PRKCE: variants seen among roughly 807,000 people sequenced by gnomAD.
The protein encoded by PRKCE is protein kinase C epsilon, also known as protein kinase C epsilon type.
In PRKCE, 16 loss-of-function variants were observed where a neutral mutation model predicts 85.4. The observed-to-expected ratio is 0.19, with a 90% confidence interval of 0.13 to 0.28. The LOEUF is 0.28. PRKCE is among the 10% of genes least tolerant of loss of function. The pLI is 1.00. For missense variants in PRKCE, 573 were observed against 975.2 expected, an observed-to-expected ratio of 0.59 and a Z score of 5.49; for synonymous variants, 388 against 371.5, an observed-to-expected ratio of 1.04 and a Z score of -0.51.
chr2:45,984,347 A>C (rs1245315250), intron 5 of PRKCE, among the ~76,000 whole-genome samples: 2 of 152,206 alleles, frequency 1.3e-5, no homozygotes, highest in East Asian at 3.8e-4. Flanking sequence ...GGAGTAGCCA[A>C]CAGTGAGTTA....
chr2:45,695,728 G>A (rs890896939), intron 1 of PRKCE, among the ~76,000 whole-genome samples: 6 of 152,120 alleles, frequency 3.9e-5, no homozygotes, highest in African/African-American at 1.4e-4. Context: ...CTGAGATCAC[G>A]CCACTGAACT....
chr2:46,118,042 A>C (rs1369678668), intron 11 of PRKCE, among the ~76,000 whole-genome samples: 2 of 152,224 alleles, frequency 1.3e-5, no homozygotes, highest in African/African-American at 4.8e-5. Flanking sequence ...CATGATGCTG[A>C]ATTACATAAA....
chr2:45,869,681 T>C (rs925094627), intron 2 of PRKCE, among the ~76,000 whole-genome samples: 4 of 150,780 alleles, frequency 2.7e-5, no homozygotes, highest in African/African-American at 9.7e-5. Context: ...TTTTTCTTTT[T>C]GTTTTTGTTT....
chr2:46,034,189 T>TA (rs1707713306), intron 10 of PRKCE, among the ~76,000 whole-genome samples: 1 of 152,326 alleles, frequency 6.6e-6, no homozygotes, highest in East Asian at 1.9e-4. Flanking sequence ...CCTGAGTACT[T>TA]ATACCTCAAT....
intron 1 of PRKCE, among the ~76,000 whole-genome samples, chr2:45,684,132 TCA>T (rs1330988435): frequency 6.6e-6 from 1 of 152,190 alleles, no homozygotes; most frequent in Non-Finnish European, 1.5e-5. Flanking sequence ...CCCTGTGCAT[TCA>T]GAGAGGTGAT....
At chr2:45,990,675 G>A (rs1703720416) in intron 6 of PRKCE, among the ~76,000 whole-genome samples, 1 of 145,666 alleles carries the variant, frequency 6.9e-6, no homozygotes, top group South Asian at 2.2e-4. Flanking sequence ...TTTTTTTTGA[G>A]ATGGAGTCTC....
intron 1 of PRKCE, 117 bp from the exon 2 acceptor site, chr2:45,842,883 G>C: frequency 4.4e-6 from 4 of 906,992 alleles, no homozygotes; most frequent in Non-Finnish European, 7.2e-6. Flanking sequence ...TTGTAGGTTG[G>C]TGAATTACAT....
At chr2:46,086,704 G>A (rs563626562) in intron 11 of PRKCE, among the ~76,000 whole-genome samples, 23 of 152,166 alleles carry the variant, frequency 1.5e-4, no homozygotes, top group African/African-American at 5.1e-4. Flanking sequence ...TTCTCTTTAC[G>A]TGTTTCTTCT....
At chr2:46,181,444 C>G (rs1300313427) in intron 14 of PRKCE, among the ~76,000 whole-genome samples, 1 of 152,222 alleles carries the variant, frequency 6.6e-6, no homozygotes, top group Admixed American at 6.5e-5. Flanking sequence ...ATGGCATACT[C>G]TCTCAAATGC....
intron 2 of PRKCE, among the ~76,000 whole-genome samples, chr2:45,965,612 A>G: frequency 6.6e-6 from 1 of 152,212 alleles, no homozygotes; most frequent in South Asian, 2.1e-4. Flanking sequence ...TAAGGACCAA[A>G]TCCAGAATAT....
At position 45,706,044 on chromosome 2, in the gene PRKCE, T is replaced by A. The variant is rs563675022; in HGVS notation, c.348+53596T>A. On this transcript the variant is annotated intron_variant, in intron 1 of 14. Transcript: ENST00000306156. Reference sequence around the variant, plus strand: ...TGGTCCCCTGCAGTTGGCCCTTGAATTTTTTCTATTGTTTGAGAACTAGAA... The same window carrying A: ...TGGTCCCCTGCAGTTGGCCCTTGAAATTTTTCTATTGTTTGAGAACTAGAA... 5.3e-5 allele frequency among the ~76,000 whole-genome samples: 8 copies of A among 152,304 alleles called. No individual in the cohort carries two copies. The South Asian group carries it at 1.2e-3, about 24-fold the overall frequency.
intron 10 of PRKCE, among the ~76,000 whole-genome samples, chr2:46,067,016 G>A (rs1305434721): frequency 6.6e-6 from 1 of 152,196 alleles, no homozygotes; most frequent in African/African-American, 2.4e-5. Context: ...TTGTTGTCAG[G>A]TAGAAGTTCT....
At chr2:45,942,902 T>G (rs1330467456) in intron 2 of PRKCE, among the ~76,000 whole-genome samples, 2 of 152,186 alleles carry the variant, frequency 1.3e-5, no homozygotes, top group Admixed American at 1.3e-4. Flanking sequence ...ACAGTAACAG[T>G]GCTTTAAAAG....
chr2:46,030,358 G>A (rs904769870), intron 10 of PRKCE, among the ~76,000 whole-genome samples: 6 of 152,230 alleles, frequency 3.9e-5, no homozygotes, highest in Admixed American at 6.5e-5. Context: ...ACTCTGGAGT[G>A]CTTTCCTGCT....
chr2:45,688,568 A>G (rs993940646), intron 1 of PRKCE, among the ~76,000 whole-genome samples: 1 of 152,224 alleles, frequency 6.6e-6, no homozygotes, highest in African/African-American at 2.4e-5. Flanking sequence ...TATTATGCCT[A>G]AGGAATTGAG....
At chr2:46,107,136 GC>G (rs1671796270) in intron 11 of PRKCE, among the ~76,000 whole-genome samples, 5 of 152,128 alleles carry the variant, frequency 3.3e-5, no homozygotes, top group Admixed American at 2.6e-4. Flanking sequence ...AACCCCCTGT[GC>G]TTTACCTATC....
intron 2 of PRKCE, among the ~76,000 whole-genome samples, chr2:45,899,556 A>G (rs1696415752): frequency 6.6e-6 from 1 of 151,662 alleles, no homozygotes; most frequent in South Asian, 2.1e-4. Context: ...TAATTTTTGT[A>G]TTTTTTTGTA....
At chr2:45,956,461 C>T (rs1700982423) in intron 2 of PRKCE, among the ~76,000 whole-genome samples, 1 of 151,706 alleles carries the variant, frequency 6.6e-6, no homozygotes, top group African/African-American at 2.4e-5. Context: ...GGGTGGATCA[C>T]CTGAGGTCAG....
chr2:45,698,191 G>A (rs1678313708), intron 1 of PRKCE, among the ~76,000 whole-genome samples: 1 of 152,194 alleles, frequency 6.6e-6, no homozygotes, highest in Non-Finnish European at 1.5e-5. Flanking sequence ...AAAGTGGTTA[G>A]CATAGGGTTT....
Sources: gnomAD v4.1 joint callset for allele counts (sites outside exome capture counted in the v4.1 genomes callset) on GRCh38, gnomAD v4.1.1 for gene constraint, MANE v1.5 for transcripts, NCBI Gene and HGNC (gene_info 2026-07-23, HGNC 2026-07-21) for gene names.